PDE1C: variants seen among roughly 807,000 people sequenced by gnomAD.
PDE1C encodes phosphodiesterase 1C.
PDE1C carries 62 observed loss-of-function variants against 93.1 expected under a neutral mutation model. The observed-to-expected ratio is 0.67, with a 90% CI of 0.54 to 0.82. The LOEUF is 0.82. Among genes scored for constraint, PDE1C ranks in the 40% least tolerant of loss-of-function variants. The probability of loss-of-function intolerance (pLI) is 0.00; values close to 1 mark genes in which losing one functional copy is unlikely to be tolerated. For synonymous variants in PDE1C, 325 were observed against 310.1 expected, an observed-to-expected ratio of 1.05 and a Z score of -0.50; for missense variants, 742 against 884.6, an observed-to-expected ratio of 0.84 and a Z score of 2.04.
At chr7:32,328,641 C>G (rs1036101108) in intron 1 of PDE1C, among the ~76,000 whole-genome samples, 3 of 152,252 alleles carry the variant, frequency 2.0e-5, no homozygotes, top group Middle Eastern at 3.4e-3. Context: ...CCTCCACCCC[C>G]CATCCCCACT....
chr7:32,427,421 C>T (rs933231177), intron 1 of PDE1C, among the ~76,000 whole-genome samples: 9 of 152,208 alleles, frequency 5.9e-5, no homozygotes, highest in African/African-American at 1.9e-4. Context: ...CTGCACACCT[C>T]AAGTCCTTTC....
the PDE1C span, among the ~76,000 whole-genome samples, chr7:31,741,217 C>A: frequency 6.6e-6 from 1 of 151,658 alleles, no homozygotes; most frequent in Admixed American, 6.6e-5. Flanking sequence ...TATATTTTAT[C>A]TTTCCTGAGT....
intron 2 of PDE1C, among the ~76,000 whole-genome samples, chr7:31,935,186 G>A (rs1190281615): frequency 6.6e-6 from 1 of 152,168 alleles, no homozygotes; most frequent in Admixed American, 6.5e-5. Context: ...CAGAAATAGT[G>A]AAGAGAAGGC....
chr7:31,619,755 G>A, the PDE1C span, among the ~76,000 whole-genome samples: 68 of 152,198 alleles, frequency 4.5e-4, no homozygotes, highest in Middle Eastern at 3.4e-3. Flanking sequence ...GACAGTGGGC[G>A]CAGGTCAGTG....
intron 3 of PDE1C, among the ~76,000 whole-genome samples, chr7:32,081,748 T>C (rs1050741841): frequency 2.0e-5 from 3 of 152,248 alleles, no homozygotes; most frequent in Non-Finnish European, 2.9e-5. Context: ...CCTTCCATAG[T>C]GAAATCTAAC....
chr7:32,319,909 CATAG>C (rs1343138838), intron 1 of PDE1C, among the ~76,000 whole-genome samples: 2 of 152,154 alleles, frequency 1.3e-5, no homozygotes, highest in Non-Finnish European at 2.9e-5. Flanking sequence ...GCCCCTTGAA[CATAG>C]ATAGGTAAAA....
chr7:32,147,330 A>AAGAAAGAC (rs1800957084), intron 3 of PDE1C, among the ~76,000 whole-genome samples: 1 of 149,910 alleles, frequency 6.7e-6, no homozygotes. Context: ...GAAAGAAAGA[A>AAGAAAGAC]AGACGCTGTT....
At chr7:31,760,031 A>T (rs945665142) in intron 17 of PDE1C, among the ~76,000 whole-genome samples, 2 of 152,116 alleles carry the variant, frequency 1.3e-5, no homozygotes, top group South Asian at 2.1e-4. Context: ...AGCTATTAGG[A>T]TTATTTATAT....
At chr7:31,659,382 C>T in the PDE1C span, among the ~76,000 whole-genome samples, 5 of 152,122 alleles carry the variant, frequency 3.3e-5, no homozygotes, top group African/African-American at 9.7e-5. Flanking sequence ...GGAGAGGTTT[C>T]CTGCCTGGGG....
At chr7:32,170,912 C>A (rs1456324078) in intron 2 of PDE1C, among the ~76,000 whole-genome samples, 3 of 152,184 alleles carry the variant, frequency 2.0e-5, no homozygotes, top group Non-Finnish European at 2.9e-5. Context: ...GGCCTAATCA[C>A]CCCAGGGCCT....
chr7:32,426,827 C>T (rs988999083), intron 1 of PDE1C, among the ~76,000 whole-genome samples: 1 of 152,164 alleles, frequency 6.6e-6, no homozygotes, highest in African/African-American at 2.4e-5. Context: ...GTAAGTTAAA[C>T]TGTAAGCCAG....
chr7:31,763,951 G>A (rs1794984082), intron 17 of PDE1C, among the ~76,000 whole-genome samples: 1 of 149,338 alleles, frequency 6.7e-6, no homozygotes, highest in Non-Finnish European at 1.5e-5. Flanking sequence ...TTTAAAATCT[G>A]CATTTGTGAA....
chr7:32,109,299 T>C (rs1473539354), intron 3 of PDE1C, among the ~76,000 whole-genome samples: 1 of 152,214 alleles, frequency 6.6e-6, no homozygotes. Context: ...TAGGCTTTAA[T>C]AATCACAGAG....
intron 1 of PDE1C, among the ~76,000 whole-genome samples, chr7:32,298,450 G>A (rs1209347942): frequency 2.0e-5 from 3 of 152,110 alleles, no homozygotes; most frequent in South Asian, 2.1e-4. Context: ...CGGAGCCCGC[G>A]AGGGGTGCCG....
chr7:32,227,441 C>T (rs1183970350), intron 1 of PDE1C, among the ~76,000 whole-genome samples: 1 of 152,180 alleles, frequency 6.6e-6, no homozygotes, highest in East Asian at 1.9e-4. Flanking sequence ...AGTCTATCTC[C>T]CCTGGTAGAC....
At chr7:31,995,896 G>T (rs1784657154) in intron 2 of PDE1C, among the ~76,000 whole-genome samples, 1 of 152,066 alleles carries the variant, frequency 6.6e-6, no homozygotes, top group South Asian at 2.1e-4. Flanking sequence ...CCATCTACTT[G>T]AAGTTCAGGC....
At chr7:32,127,295 T>C (rs1287870606) in intron 3 of PDE1C, among the ~76,000 whole-genome samples, 5 of 152,016 alleles carry the variant, frequency 3.3e-5, no homozygotes, top group African/African-American at 1.2e-4. Flanking sequence ...AATCTCTTTC[T>C]ATATTTGCAT....
chr7:32,121,620 G>A (rs32296), intron 3 of PDE1C, among the ~76,000 whole-genome samples: 103,674 of 151,936 alleles, frequency 0.68, 36,063 homozygotes, highest in Middle Eastern at 0.81. Context: ...AGAGTTTCAT[G>A]TCCAGCCAAA....
At chr7:32,197,723 C>T (rs902488401) in intron 2 of PDE1C, among the ~76,000 whole-genome samples, 35 of 152,228 alleles carry the variant, frequency 2.3e-4, no homozygotes, top group Non-Finnish European at 4.9e-4. Context: ...TGTATGACTT[C>T]ATTTATATAA....
Sources: allele counts gnomAD v4.1 joint callset (sites outside exome capture counted in the v4.1 genomes callset), GRCh38; gene constraint gnomAD v4.1.1; transcripts MANE v1.5; gene names NCBI Gene and HGNC (gene_info 2026-07-23, HGNC 2026-07-21).